Variants in ZNF423 observed in about 807,000 individuals in gnomAD.
The protein encoded by ZNF423 is Ebf-associated zinc finger protein.
A neutral mutation model predicts 95.8 loss-of-function variants in ZNF423; 12 were observed. The observed-to-expected ratio is 0.13, with a 90% CI of 0.08 to 0.20. ZNF423 has a LOEUF of 0.20. Among genes scored for constraint, ZNF423 ranks in the 10% least tolerant of loss-of-function variants. ZNF423 has a pLI of 1.00. For missense variants in ZNF423, 1,316 were observed against 1,737.1 expected (o/e 0.76, Z 4.31); for synonymous variants, 749 against 711.9 (o/e 1.05, Z -0.83).
chr16:49,789,594 A>C, intron 1 of ZNF423, 48 bp from the exon 2 acceptor site: 1 of 1,587,032 alleles, frequency 6.3e-7, no homozygotes, highest in Non-Finnish European at 8.6e-7. Context: ...GGCTGTACAA[A>C]TAGATCAGGT....
intron 3 of ZNF423, among the ~76,000 whole-genome samples, chr16:49,668,846 G>A (rs2030666788): frequency 6.6e-6 from 1 of 152,120 alleles, no homozygotes; most frequent in South Asian, 2.1e-4. Context: ...CATGCTGTGT[G>A]ACCTGGGACA....
At chr16:49,521,676 G>A (rs906369062) in intron 7 of ZNF423, among the ~76,000 whole-genome samples, 2 of 152,196 alleles carry the variant, frequency 1.3e-5, no homozygotes, top group Admixed American at 6.5e-5. Flanking sequence ...CCCACGTTGT[G>A]ACAATGGGAT....
upstream of ZNF423, among the ~76,000 whole-genome samples, chr16:49,858,276 G>A (rs1203039398): frequency 6.7e-6 from 1 of 149,808 alleles, no homozygotes; most frequent in African/African-American, 2.4e-5. This position sits in a 1 kb window ranked among gnomAD's most constrained non-coding sequence, Gnocchi z 4.3. Context: ...CCCGCGCCCC[G>A]CCGCTCCCCA....
chr16:49,758,339 A>G (rs751165263), intron 2 of ZNF423, among the ~76,000 whole-genome samples: 2 of 152,104 alleles, frequency 1.3e-5, no homozygotes, highest in South Asian at 2.1e-4. Flanking sequence ...GGGTTTCGTC[A>G]TGTTGGCCAG....
intron 3 of ZNF423, among the ~76,000 whole-genome samples, chr16:49,719,561 G>T (rs1006975623): frequency 6.6e-6 from 1 of 152,186 alleles, no homozygotes; most frequent in Admixed American, 6.5e-5. Context: ...CCTGGTGAGA[G>T]GTGATTAGAT....
chr16:49,611,078 C>T (rs1224753336), intron 5 of ZNF423, among the ~76,000 whole-genome samples: 1 of 152,012 alleles, frequency 6.6e-6, no homozygotes, highest in African/African-American at 2.4e-5. Flanking sequence ...CAGAACCTTT[C>T]TCTCAATGAC....
intron 1 of ZNF423, among the ~76,000 whole-genome samples, chr16:49,806,196 T>TG (rs889115779): frequency 6.6e-6 from 1 of 152,210 alleles, no homozygotes; most frequent in African/African-American, 2.4e-5. Context: ...GAAATGCTGA[T>TG]GGAAGGTGGT....
intron 3 of ZNF423, among the ~76,000 whole-genome samples, chr16:49,727,923 C>G (rs532432585): frequency 6.6e-6 from 1 of 152,336 alleles, no homozygotes; most frequent in African/African-American, 2.4e-5. Context: ...CCAGGGGGAG[C>G]CTGCGATTGC....
intron 7 of ZNF423, among the ~76,000 whole-genome samples, chr16:49,514,839 G>C (rs140327632): frequency 1.4e-3 from 208 of 152,320 alleles, no homozygotes; most frequent in African/African-American, 4.8e-3. Context: ...GCGTGGCGCT[G>C]GTCCAACACC....
intron 4 of ZNF423, among the ~76,000 whole-genome samples, chr16:49,634,341 C>T (rs1415691876): frequency 6.6e-6 from 1 of 152,060 alleles, no homozygotes; most frequent in African/African-American, 2.4e-5. Flanking sequence ...TCAGCCACAG[C>T]ACCCGGCCTC....
intron 7 of ZNF423, among the ~76,000 whole-genome samples, chr16:49,497,517 GC>G (rs983898371): frequency 1.3e-5 from 2 of 152,188 alleles, no homozygotes; most frequent in African/African-American, 4.8e-5. Context: ...AGAACACTCA[GC>G]CCCCACACCC....
At chr16:49,778,853 C>T (rs2034164149) in intron 2 of ZNF423, among the ~76,000 whole-genome samples, 1 of 152,208 alleles carries the variant, frequency 6.6e-6, no homozygotes, top group Admixed American at 6.5e-5. Flanking sequence ...GTACAGGGTG[C>T]CAGGTGGCAC....
intron 5 of ZNF423, among the ~76,000 whole-genome samples, chr16:49,615,127 A>ATT (rs1305531750): frequency 2.0e-5 from 2 of 99,500 alleles, no homozygotes; most frequent in Non-Finnish European, 4.4e-5. Context: ...AAGAAACTCC[A>ATT]TCTCACACAC....
At chr16:49,730,358 C>T (rs1466482903) in intron 3 of ZNF423, among the ~76,000 whole-genome samples, 1 of 152,182 alleles carries the variant, frequency 6.6e-6, no homozygotes, top group Non-Finnish European at 1.5e-5. Context: ...TTTGAAATTT[C>T]CTCATCCCAT....
At chr16:49,530,719 G>A (rs1248934174) in intron 5 of ZNF423, among the ~76,000 whole-genome samples, 3 of 152,086 alleles carry the variant, frequency 2.0e-5, no homozygotes, top group South Asian at 2.1e-4. Flanking sequence ...GGAACCCCAC[G>A]GAACAACAGC....
rs143468235 is a variant in ZNF423 at position 49,637,163 on chromosome 16, C to A, written c.2013G>T (p.Ala671=). The change falls in exon 4 of 8, where the codon GCG becomes GCT. Residue 671 remains alanine (A), a synonymous_variant. Transcript: ENST00000563137. This position sits in a 1 kb window ranked among gnomAD's most constrained non-coding sequence, Gnocchi z 5.6. The part of the protein sequence containing the change: ...LHLELLLRKQ[A]CPQCKEDFDS... ...CAAAGTCCTCTTTGCACTGGGGGCA[C>A]GCTTGCTTCCGCAGCAGCAGCTCCA... is the stretch of plus-strand genomic sequence containing the variant. The A allele has an allele frequency of 1.9e-6, 3 of 1,613,720 alleles. No individual in the cohort carries two copies. Among genetic ancestry groups the A allele is most frequent in the Non-Finnish European group, 2.5e-6 (3 of 1,180,028 alleles).
At chr16:49,515,432 T>G (rs1276755819) in intron 7 of ZNF423, among the ~76,000 whole-genome samples, 1 of 152,276 alleles carries the variant, frequency 6.6e-6, no homozygotes, top group African/African-American at 2.4e-5. Flanking sequence ...TTATTTAAAC[T>G]TTGGAGGGTT....
chr16:49,623,822 G>C (rs1386691511), intron 5 of ZNF423, among the ~76,000 whole-genome samples: 1 of 152,224 alleles, frequency 6.6e-6, no homozygotes, highest in Non-Finnish European at 1.5e-5. Flanking sequence ...CAAGGCACTG[G>C]GGGTAGAGGC....
At chr16:49,710,203 G>A (rs545219477) in intron 3 of ZNF423, among the ~76,000 whole-genome samples, 3 of 152,262 alleles carry the variant, frequency 2.0e-5, no homozygotes, top group Admixed American at 6.5e-5. Flanking sequence ...TCTATAGTCC[G>A]AAGAGGTGAC....
Sources: allele counts gnomAD v4.1 joint callset (sites outside exome capture counted in the v4.1 genomes callset), GRCh38; gene constraint gnomAD v4.1.1; non-coding constraint Gnocchi (gnomAD v3.1); transcripts MANE v1.5; gene names NCBI Gene and HGNC (gene_info 2026-07-23, HGNC 2026-07-21).